The following RGS8 variants were observed in gnomAD, a reference collection of about 807,000 sequenced individuals.
RGS8 encodes the protein regulator of G-protein signaling 8.
RGS8 carries 8 observed loss-of-function variants against 21.7 expected under a neutral mutation model. The ratio of observed to expected loss-of-function variants is 0.37; its 90% CI spans 0.22 to 0.66. RGS8 has a LOEUF of 0.66. Among genes scored for constraint, RGS8 ranks in the 30% least tolerant of loss-of-function variants. The pLI is 0.59. For missense variants in RGS8, 157 were observed against 217.9 expected (o/e 0.72, Z 1.76); for synonymous variants, 80 against 83.6 (o/e 0.96, Z 0.24).
chr1:182,740,568 T>G, the RGS8 span, among the ~76,000 whole-genome samples: 4 of 122,762 alleles, frequency 3.3e-5, no homozygotes, highest in Non-Finnish European at 7.1e-5. Flanking sequence ...TTTTTTTTTT[T>G]TTTTTATTGA....
At chr1:182,746,530 G>T in the RGS8 span, among the ~76,000 whole-genome samples, 2 of 152,058 alleles carry the variant, frequency 1.3e-5, no homozygotes, top group Non-Finnish European at 2.9e-5. Flanking sequence ...AGCTGGGCAG[G>T]GTGGCTTATG....
the RGS8 span, among the ~76,000 whole-genome samples, chr1:182,723,075 T>A: frequency 4.4e-4 from 67 of 152,276 alleles, no homozygotes; most frequent in South Asian, 2.1e-3. Flanking sequence ...TATGGCCTCA[T>A]CTTAACTAAT....
the RGS8 span, among the ~76,000 whole-genome samples, chr1:182,691,072 A>T: frequency 1.3e-5 from 2 of 152,236 alleles, no homozygotes; most frequent in African/African-American, 2.4e-5. Context: ...ATATTAGATA[A>T]TCTAGCTACC....
exon 7 of RGS8, chr1:182,646,773 A>C: frequency 6.2e-7 from 1 of 1,614,170 alleles, no homozygotes; most frequent in Non-Finnish European, 8.5e-7. Context: ...AGCAGATCTA[A>C]GTACATTTTG....
the RGS8 span, among the ~76,000 whole-genome samples, chr1:182,728,420 A>G: frequency 1.3e-5 from 2 of 152,234 alleles, no homozygotes; most frequent in Admixed American, 6.5e-5. Context: ...TCGATTCTAA[A>G]GACCCACTCT....
chr1:182,647,875 C>A (rs1322414145), intron 6 of RGS8, among the ~76,000 whole-genome samples: 1 of 152,204 alleles, frequency 6.6e-6, no homozygotes, highest in African/African-American at 2.4e-5. Context: ...CTTATTCTTG[C>A]AAAATCTCTG....
intron 1 of RGS8, among the ~76,000 whole-genome samples, chr1:182,681,055 T>C (rs1465460278): frequency 6.6e-6 from 1 of 152,224 alleles, no homozygotes; most frequent in Non-Finnish European, 1.5e-5. Context: ...CAGTGAAATA[T>C]ATAAGTAAAC....
At chr1:182,708,169 A>C in the RGS8 span, among the ~76,000 whole-genome samples, 3 of 152,196 alleles carry the variant, frequency 2.0e-5, no homozygotes, top group Non-Finnish European at 4.4e-5. Context: ...CCAAACTCCT[A>C]ATCAATAGGC....
At chr1:182,671,620 C>A (rs372693393) in intron 2 of RGS8, 37 bp downstream of exon 3, 6 of 1,581,194 alleles carry the variant, frequency 3.8e-6, no homozygotes, top group Middle Eastern at 1.7e-4. Flanking sequence ...ACACAGACAC[C>A]CCGGAGAAGA....
chr1:182,643,441 CA>C (rs1662566614), downstream of RGS8: 2 of 151,822 alleles, frequency 1.3e-5, no homozygotes, highest in Admixed American at 1.3e-4. Context: ...GGGTCTCTAA[CA>C]AAAGCTTCTG....
At chr1:182,648,343 C>T (rs1472572171) in intron 5 of RGS8, 40 bp from the exon 7 acceptor site, 3 of 1,598,378 alleles carry the variant, frequency 1.9e-6, no homozygotes, top group Admixed American at 3.4e-5. Context: ...AGATAGGAAG[C>T]AGCTTAAGTT....
At chr1:182,713,061 T>C in the RGS8 span, among the ~76,000 whole-genome samples, 1 of 152,210 alleles carries the variant, frequency 6.6e-6, no homozygotes, top group Admixed American at 6.5e-5. Flanking sequence ...GTTGCCATCG[T>C]CCCAAATTGA....
At chr1:182,667,974 G>A (rs1021821561) in intron 3 of RGS8, among the ~76,000 whole-genome samples, 6 of 152,016 alleles carry the variant, frequency 3.9e-5, no homozygotes, top group African/African-American at 1.2e-4. Flanking sequence ...AAGCCACCAC[G>A]CCCAGCTAGC....
the RGS8 span, among the ~76,000 whole-genome samples, chr1:182,694,392 T>C: frequency 1.3e-5 from 2 of 152,244 alleles, no homozygotes; most frequent in Non-Finnish European, 2.9e-5. Flanking sequence ...GTGTCCACTG[T>C]GGCCTTGCTT....
intron 3 of RGS8, among the ~76,000 whole-genome samples, chr1:182,667,913 C>A (rs1663953484): frequency 1.3e-5 from 2 of 152,014 alleles, no homozygotes; most frequent in Non-Finnish European, 2.9e-5. Context: ...AGCTCCTGGC[C>A]TCAAGTGATC....
At chr1:182,646,116 GGAA>G (rs1662692415) in exon 7 of RGS8, 1 of 152,214 alleles carries the variant, frequency 6.6e-6, no homozygotes, top group African/African-American at 2.4e-5. Context: ...GGCCAAGATG[GGAA>G]GTAATCACAG....
chr1:182,716,129 T>TG, the RGS8 span, among the ~76,000 whole-genome samples: 189 of 151,480 alleles, frequency 1.2e-3, no homozygotes, highest in African/African-American at 4.2e-3. Context: ...TTTTTTGGTT[T>TG]TTTTTTTTTT....
At chr1:182,727,731 A>T in the RGS8 span, among the ~76,000 whole-genome samples, 1 of 152,120 alleles carries the variant, frequency 6.6e-6, no homozygotes, top group Non-Finnish European at 1.5e-5. Context: ...GCTCTAAAGT[A>T]TAGAGTTTTT....
the RGS8 span, among the ~76,000 whole-genome samples, chr1:182,720,062 C>A: frequency 4.6e-5 from 7 of 152,160 alleles, no homozygotes; most frequent in African/African-American, 1.7e-4. Flanking sequence ...AGCATCTGAT[C>A]ACTTTGTAAT....
Sources: allele counts gnomAD v4.1 joint callset (sites outside exome capture counted in the v4.1 genomes callset), GRCh38; gene constraint gnomAD v4.1.1; transcripts MANE v1.5; gene names NCBI Gene and HGNC (gene_info 2026-07-23, HGNC 2026-07-21).